Variants in DIP2C observed in about 807,000 individuals in gnomAD.
The protein encoded by DIP2C is DIP2 acetate--CoA ligase C (putative), also known as disco-interacting protein 2 homolog C.
A neutral mutation model predicts 192.4 loss-of-function variants in DIP2C; 33 were observed. The ratio of observed to expected loss-of-function variants is 0.17; its 90% CI spans 0.13 to 0.23. The LOEUF (loss-of-function observed/expected upper bound fraction) is 0.23. DIP2C is among the 10% of genes least tolerant of loss of function. DIP2C has a pLI of 1.00. For missense variants in DIP2C, 1,537 were observed against 2,110.1 expected (o/e 0.73, Z 5.32); for synonymous variants, 979 against 864.1 (o/e 1.13, Z -2.33).
intron 2 of DIP2C, chr10:484,948 G>A (rs753999540): frequency 3.7e-6 from 6 of 1,605,152 alleles, no homozygotes; most frequent in Non-Finnish European, 5.1e-6. Flanking sequence ...TCCATTCGCT[G>A]CTGTAACAAG....
intron 1 of DIP2C, among the ~76,000 whole-genome samples, chr10:544,430 A>G (rs1265564578): frequency 6.6e-6 from 1 of 152,176 alleles, no homozygotes; most frequent in African/African-American, 2.4e-5. Flanking sequence ...AAACGTTTTC[A>G]GTTTTCTTGG....
rs141402306 is a variant in DIP2C, at chr10:351,263, G to A, written c.2986-1809C>T. On this transcript the variant is annotated intron_variant, in intron 24 of 36. Coordinates refer to ENST00000280886, the MANE Select transcript of DIP2C (RefSeq NM_014974.3). ...GTCAGCCTCCCAGCTCGAAGGGCCCGTGTCAGAAACACATGGCGGGGCACG... is the reference window on the plus strand; with the variant it reads ...GTCAGCCTCCCAGCTCGAAGGGCCCATGTCAGAAACACATGGCGGGGCACG... Among the ~76,000 whole-genome samples, 1,227 of 152,326 alleles carry A rather than the reference G, an allele frequency of 8.1e-3. 33 individuals are homozygous for A. Among genetic ancestry groups the A allele is most frequent in the Admixed American group, 0.053 (805 of 15,304 alleles).
chr10:627,281 T>C (rs1036876503), intron 1 of DIP2C, among the ~76,000 whole-genome samples: 2 of 152,230 alleles, frequency 1.3e-5, no homozygotes, highest in African/African-American at 4.8e-5. Context: ...CCAGGGCTGC[T>C]GTGGGTCGGG....
intron 1 of DIP2C, among the ~76,000 whole-genome samples, chr10:593,062 A>G (rs1315084738): frequency 6.6e-6 from 1 of 152,304 alleles, no homozygotes; most frequent in Admixed American, 6.5e-5. Context: ...TAGCTTACAA[A>G]TTATGCCAGT....
chr10:366,842 G>GC (rs1466868653), intron 18 of DIP2C, among the ~76,000 whole-genome samples: 1 of 152,120 alleles, frequency 6.6e-6, no homozygotes, highest in African/African-American at 2.4e-5. Context: ...TGCAAGGTGA[G>GC]CCCTTCCGAG....
chr10:355,777 T>C (rs1959052869), intron 24 of DIP2C, among the ~76,000 whole-genome samples: 1 of 152,186 alleles, frequency 6.6e-6, no homozygotes, highest in Admixed American at 6.5e-5. Context: ...ACTTCTGGTG[T>C]ATAAAAAAGT....
intron 1 of DIP2C, among the ~76,000 whole-genome samples, chr10:678,498 C>G (rs1830950978): frequency 6.6e-6 from 1 of 152,036 alleles, no homozygotes; most frequent in Non-Finnish European, 1.5e-5. Flanking sequence ...CAGCACCCGT[C>G]CTCCCCGCAC....
intron 4 of DIP2C, among the ~76,000 whole-genome samples, chr10:429,901 A>G (rs1439072101): frequency 2.0e-5 from 3 of 152,152 alleles, no homozygotes; most frequent in Non-Finnish European, 4.4e-5. Flanking sequence ...GCAAATGCCA[A>G]GGAGTGTAAT....
intron 3 of DIP2C, among the ~76,000 whole-genome samples, chr10:446,226 T>G (rs1968193134): frequency 6.6e-6 from 1 of 150,882 alleles, no homozygotes; most frequent in African/African-American, 2.4e-5. Context: ...TTGTGAAAAG[T>G]CTCACAGTCC....
chr10:369,203 C>T (rs923113188), intron 18 of DIP2C, among the ~76,000 whole-genome samples: 5 of 152,190 alleles, frequency 3.3e-5, no homozygotes, highest in African/African-American at 1.2e-4. Flanking sequence ...GGGAAGCTGC[C>T]CAGGCACCAG....
chr10:592,445 A>G (rs1228460250), intron 1 of DIP2C, among the ~76,000 whole-genome samples: 1 of 152,226 alleles, frequency 6.6e-6, no homozygotes, highest in Non-Finnish European at 1.5e-5. Flanking sequence ...CAGATGAATG[A>G]CGGTTTGTTC....
At chr10:343,132 A>G (rs1958242758) in intron 28 of DIP2C, among the ~76,000 whole-genome samples, 1 of 152,170 alleles carries the variant, frequency 6.6e-6, no homozygotes, top group African/African-American at 2.4e-5. Flanking sequence ...TACTAAACAT[A>G]CAAAAAATTA....
chr10:614,888 G>A (rs1853346358), intron 1 of DIP2C, among the ~76,000 whole-genome samples: 1 of 152,188 alleles, frequency 6.6e-6, no homozygotes, highest in Non-Finnish European at 1.5e-5. Context: ...AGGTGTGCAT[G>A]GGAAGAACTG....
chr10:376,195 C>T (rs1339326136), intron 17 of DIP2C, among the ~76,000 whole-genome samples: 1 of 152,210 alleles, frequency 6.6e-6, no homozygotes, highest in African/African-American at 2.4e-5. Context: ...GAAGCCCTGC[C>T]CACATGACAA....
Position 564,232 on chromosome 10 carries a change from G to C in DIP2C, c.86-77702C>G, listed in dbSNP as rs189247993. Among the ~76,000 whole-genome samples, 37 of 152,056 alleles carry C rather than the reference G, an allele frequency of 2.4e-4. No individual in the cohort carries two copies. In the East Asian group the frequency reaches 6.8e-3, roughly 28 times the overall value. On this transcript the variant is annotated intron_variant, in intron 1 of 36. Coordinates refer to ENST00000280886, the MANE Select transcript of DIP2C (RefSeq NM_014974.3). ...AACGTTCCCCCCACCCCCGCACGTG[G>C]TTGAGGCAGCAGCGTCTGGGTGAAC...
At position 274,293 on chromosome 10, in the gene DIP2C, G is replaced by A. The variant is rs928103056; in HGVS notation, c.*3032C>T. 1.3e-5 allele frequency: 2 copies of A among 151,958 alleles called. No homozygotes were observed. The highest frequency in any genetic ancestry group is 4.2e-4 in the South Asian group (2 of 4,802). The allele number at this position is 151,958 out of a possible 1,614,324, so 9.4% of individuals were successfully genotyped here. ...ATAGGAATTATTTTTAGCAATAAAT[G>A]CCCACATCAAAATTTAAACATTTTT... is the stretch of plus-strand genomic sequence containing the variant. On this transcript the variant is annotated 3_prime_UTR_variant, in exon 37 of 37. Coordinates refer to ENST00000280886, the MANE Select transcript of DIP2C (RefSeq NM_014974.3).
intron 1 of DIP2C, among the ~76,000 whole-genome samples, chr10:581,522 G>T (rs1734325474): frequency 6.6e-6 from 1 of 152,102 alleles, no homozygotes; most frequent in South Asian, 2.1e-4. Context: ...TCTAGAAAAA[G>T]AAAAGATACA....
At chr10:643,392 T>C (rs1212003541) in intron 1 of DIP2C, among the ~76,000 whole-genome samples, 1 of 151,792 alleles carries the variant, frequency 6.6e-6, no homozygotes, top group African/African-American at 2.4e-5. Flanking sequence ...CGGGTACCTA[T>C]AGTCCCAGCT....
At chr10:416,252 A>C (rs897900559) in intron 6 of DIP2C, among the ~76,000 whole-genome samples, 2 of 152,090 alleles carry the variant, frequency 1.3e-5, no homozygotes, top group African/African-American at 4.8e-5. Context: ...TCTTCTCAAC[A>C]GGGTGAGACC....
Sources: gnomAD v4.1 joint callset for allele counts (sites outside exome capture counted in the v4.1 genomes callset) on GRCh38, gnomAD v4.1.1 for gene constraint, MANE v1.5 for transcripts, NCBI Gene and HGNC (gene_info 2026-07-23, HGNC 2026-07-21) for gene names.